The following DNER variants were observed in gnomAD, a reference collection of about 807,000 sequenced individuals.
DNER encodes delta and Notch-like epidermal growth factor-related receptor.
In DNER, 33 loss-of-function variants were observed where a neutral mutation model predicts 78.2. The ratio of observed to expected loss-of-function variants is 0.42; its 90% CI spans 0.32 to 0.56. The LOEUF is 0.56. DNER is among the 20% of genes least tolerant of loss of function. The probability of loss-of-function intolerance (pLI) is 0.11; values close to 1 mark genes in which losing one functional copy is unlikely to be tolerated. For synonymous variants in DNER, 417 were observed against 384.8 expected, an observed-to-expected ratio of 1.08 and a Z score of -0.98; for missense variants, 918 against 975.3, an observed-to-expected ratio of 0.94 and a Z score of 0.78.
chr2:229,391,044 T>C (rs1176125898), intron 10 of DNER, among the ~76,000 whole-genome samples: 1 of 152,164 alleles, frequency 6.6e-6, no homozygotes, highest in East Asian at 1.9e-4. Flanking sequence ...GTGACTCAAA[T>C]GATGGAGCCC....
At chr2:229,702,789 C>G (rs1335123663) in intron 1 of DNER, among the ~76,000 whole-genome samples, 1 of 146,982 alleles carries the variant, frequency 6.8e-6, no homozygotes, top group East Asian at 2.1e-4. Flanking sequence ...TGGTGGCGGG[C>G]GCCTGTAGTC....
intron 7 of DNER, among the ~76,000 whole-genome samples, chr2:229,470,638 T>C (rs570938469): frequency 6.6e-6 from 1 of 152,224 alleles, no homozygotes; most frequent in African/African-American, 2.4e-5. Context: ...TCACCTGAGG[T>C]CAGGAGTTTG....
chr2:229,674,004 C>T (rs1699255904), intron 1 of DNER, among the ~76,000 whole-genome samples: 1 of 152,208 alleles, frequency 6.6e-6, no homozygotes. Context: ...TGCACACTGG[C>T]TGCATCTCCC....
At chr2:229,503,868 A>G (rs2154212033) in intron 6 of DNER, among the ~76,000 whole-genome samples, 1 of 152,242 alleles carries the variant, frequency 6.6e-6, no homozygotes, top group East Asian at 1.9e-4. Context: ...CAGCCTCCTG[A>G]GTAGCTGGTA....
At chr2:229,469,410 A>G (rs1323106945) in intron 7 of DNER, among the ~76,000 whole-genome samples, 1 of 152,214 alleles carries the variant, frequency 6.6e-6, no homozygotes, top group Non-Finnish European at 1.5e-5. Flanking sequence ...TTTATTAATT[A>G]CTTATTCTCT....
chr2:229,709,050 A>T (rs1180460782), intron 1 of DNER, among the ~76,000 whole-genome samples: 2 of 152,254 alleles, frequency 1.3e-5, no homozygotes, highest in Admixed American at 6.5e-5. Context: ...ATGTCATAAC[A>T]TAATTCATCC....
intron 6 of DNER, among the ~76,000 whole-genome samples, chr2:229,479,732 C>A (rs202028385): frequency 0.076 from 8,607 of 113,424 alleles, 422 homozygotes; most frequent in East Asian, 0.29. Context: ...AAAAAAAAAA[C>A]AAAAAACCAT....
At chr2:229,369,462 G>C (rs565299277) in intron 11 of DNER, among the ~76,000 whole-genome samples, 1 of 150,376 alleles carries the variant, frequency 6.6e-6, no homozygotes, top group East Asian at 2.0e-4. Context: ...CAAAAAAAAA[G>C]TTTCAACTTT....
At chr2:229,480,335 G>A (rs1695130481) in intron 6 of DNER, among the ~76,000 whole-genome samples, 1 of 152,136 alleles carries the variant, frequency 6.6e-6, no homozygotes, top group South Asian at 2.1e-4. Context: ...ATTTCAGTAT[G>A]CATTTCTAGC....
At chr2:229,411,845 T>C (rs1387652283) in intron 9 of DNER, among the ~76,000 whole-genome samples, 1 of 152,016 alleles carries the variant, frequency 6.6e-6, no homozygotes, top group Non-Finnish European at 1.5e-5. Context: ...CAATATAAAA[T>C]TGTAGGTATA....
At chr2:229,677,644 C>T (rs1427138551) in intron 1 of DNER, among the ~76,000 whole-genome samples, 1 of 152,150 alleles carries the variant, frequency 6.6e-6, no homozygotes, top group Admixed American at 6.5e-5. Context: ...TTTTAATCTA[C>T]ATTGGTTGTA....
rs143436491 is a variant in DNER at position 229,589,153 on chromosome 2, T to C, written c.586-665A>G. ...GCATACTGCAAAACCTTGAGCTATG[T>C]CCAGTGAGCATAAACCTGGCCAATT... On this transcript the variant is annotated intron_variant, in intron 2 of 12. Coordinates refer to ENST00000341772, the MANE Select transcript of DNER (RefSeq NM_139072.4). Among the ~76,000 whole-genome samples, 157 of 152,310 alleles carry C rather than the reference T, an allele frequency of 1.0e-3. 1 individual carries two copies. The highest frequency in any genetic ancestry group is 3.5e-3 in the African/African-American group (144 of 41,574).
At chr2:229,497,876 T>C (rs903820748) in intron 6 of DNER, among the ~76,000 whole-genome samples, 1 of 152,108 alleles carries the variant, frequency 6.6e-6, no homozygotes, top group Non-Finnish European at 1.5e-5. Context: ...CTGAATTGTA[T>C]TAAACATTTA....
At position 229,471,787 on chromosome 2, in the gene DNER, G is replaced by C. The variant is rs1694928629; in HGVS notation, c.1261+5353C>G. Reference sequence around the variant, plus strand: ...ACACTAACTTTAAACATGTAAACGAGTGTTACTCTACTTTATAAATTAAAA... The same window carrying C: ...ACACTAACTTTAAACATGTAAACGACTGTTACTCTACTTTATAAATTAAAA... On this transcript the variant is annotated intron_variant, in intron 7 of 12. Coordinates refer to ENST00000341772, the MANE Select transcript of DNER (RefSeq NM_139072.4). Among the ~76,000 whole-genome samples, 6 of 152,298 alleles carry C rather than the reference G, an allele frequency of 3.9e-5. No individual in the cohort carries two copies. The South Asian group carries it at 1.2e-3, about 32-fold the overall frequency.
intron 11 of DNER, among the ~76,000 whole-genome samples, chr2:229,378,974 T>C (rs1248150361): frequency 1.3e-5 from 2 of 152,222 alleles, no homozygotes; most frequent in Non-Finnish European, 2.9e-5. Context: ...TATCCAGTGC[T>C]GGGACCTGGC....
chr2:229,651,633 C>A (rs747592806), intron 1 of DNER, among the ~76,000 whole-genome samples: 5 of 152,198 alleles, frequency 3.3e-5, no homozygotes, highest in Non-Finnish European at 5.9e-5. Flanking sequence ...TTAGATAACT[C>A]AGCCTGGAGC....
At chr2:229,598,547 C>T (rs149225920) in intron 1 of DNER, among the ~76,000 whole-genome samples, 1 of 152,092 alleles carries the variant, frequency 6.6e-6, no homozygotes, top group Non-Finnish European at 1.5e-5. Context: ...CCCACCCCAA[C>T]ACCTTTATGT....
rs186538591 is a variant in DNER, at chr2:229,477,306, T to C, written c.1148-53A>G. The C allele has an allele frequency of 1.2e-4, 160 of 1,369,302 alleles. No individual in the cohort carries two copies. The East Asian group carries it at 3.4e-3, about 29-fold the overall frequency. 84.8% of individuals were successfully genotyped at this position (1,369,302 alleles called of 1,614,324 possible). ...AAAATAAGCTCTTCCAGACCCACCA[T>C]GAGCCACTCTAGGAATTGATGGATT... On this transcript the variant is annotated intron_variant, in intron 6 of 12. Transcript: ENST00000341772.
intron 4 of DNER, among the ~76,000 whole-genome samples, chr2:229,554,047 G>A (rs140159843): frequency 1.0e-3 from 153 of 152,268 alleles, no homozygotes; most frequent in African/African-American, 2.8e-3. Context: ...GCTGACCATG[G>A]AATTTATCTT....
Sources: gnomAD v4.1 joint callset for allele counts (sites outside exome capture counted in the v4.1 genomes callset) on GRCh38, gnomAD v4.1.1 for gene constraint, MANE v1.5 for transcripts, NCBI Gene and HGNC (gene_info 2026-07-23, HGNC 2026-07-21) for gene names.